The following PHKB variants were observed in gnomAD, a reference collection of about 807,000 sequenced individuals.
PHKB encodes the protein phosphorylase b kinase regulatory subunit beta.
PHKB carries 122 observed loss-of-function variants against 152.1 expected under a neutral mutation model. That is an observed-to-expected ratio of 0.80 (90% CI 0.69 to 0.93). The LOEUF (loss-of-function observed/expected upper bound fraction) is 0.93. Ranked by LOEUF, PHKB falls within the 40% of genes least tolerant of loss-of-function variation. The pLI is 0.00. For missense variants in PHKB, 1,304 were observed against 1,328.4 expected (o/e 0.98, Z 0.29); for synonymous variants, 436 against 464.9 (o/e 0.94, Z 0.80).
intron 1 of PHKB, among the ~76,000 whole-genome samples, chr16:47,477,081 GT>G (rs1197944236): frequency 6.6e-6 from 1 of 152,040 alleles, no homozygotes; most frequent in Non-Finnish European, 1.5e-5. Context: ...TGTAAGCTTG[GT>G]GCACTCCATA....
intron 1 of PHKB, among the ~76,000 whole-genome samples, chr16:47,472,107 A>T (rs1367355535): frequency 6.6e-6 from 1 of 152,148 alleles, no homozygotes; most frequent in Non-Finnish European, 1.5e-5. Flanking sequence ...ATATAGTAAA[A>T]TCTTAGATAC....
At chr16:47,559,398 T>C (rs1035626684) in intron 7 of PHKB, among the ~76,000 whole-genome samples, 3 of 152,166 alleles carry the variant, frequency 2.0e-5, no homozygotes, top group African/African-American at 7.2e-5. Context: ...AACCCAAACT[T>C]AGAGGCATAA....
chr16:47,688,503 G>A (rs1234217014), intron 26 of PHKB, among the ~76,000 whole-genome samples: 1 of 152,116 alleles, frequency 6.6e-6, no homozygotes, highest in Non-Finnish European at 1.5e-5. Flanking sequence ...AACTAATTGT[G>A]TCCTTATATT....
At chr16:47,488,945 T>A (rs1409728913) in intron 1 of PHKB, among the ~76,000 whole-genome samples, 1 of 152,224 alleles carries the variant, frequency 6.6e-6, no homozygotes, top group Non-Finnish European at 1.5e-5. Context: ...TGGTTCCATA[T>A]GAATTAAAAA....
chr16:47,673,129 A>ATTT (rs55724316), intron 26 of PHKB, among the ~76,000 whole-genome samples: 1 of 147,272 alleles, frequency 6.8e-6, no homozygotes, highest in African/African-American at 2.5e-5. Flanking sequence ...GCAATCTGGT[A>ATTT]TTTTTTTTTT....
chr16:47,564,806 T>C lies in PHKB; in HGVS notation c.711-15489T>C, dbSNP rs540451302. Among the ~76,000 whole-genome samples, 5 of 152,322 alleles carry C rather than the reference T, an allele frequency of 3.3e-5. No homozygotes were observed. The East Asian group carries it at 9.6e-4, about 29-fold the overall frequency. On this transcript the variant is annotated intron_variant, in intron 7 of 30. Coordinates refer to ENST00000323584, the MANE Select transcript of PHKB (RefSeq NM_000293.3). Reference sequence around the variant, plus strand: ...AAAGATAGGAATCCATTTTCATTCTTTGCATGTTGTTGTTCAATTTTCCCA... The same window carrying C: ...AAAGATAGGAATCCATTTTCATTCTCTGCATGTTGTTGTTCAATTTTCCCA...
chr16:47,527,509 A>G (rs1021106447), intron 6 of PHKB, among the ~76,000 whole-genome samples: 1 of 152,210 alleles, frequency 6.6e-6, no homozygotes, highest in African/African-American at 2.4e-5. Flanking sequence ...ACTGTAAATA[A>G]GTAGAGATTA....
At chr16:47,519,781 C>G (rs1284055247) in intron 6 of PHKB, among the ~76,000 whole-genome samples, 1 of 152,220 alleles carries the variant, frequency 6.6e-6, no homozygotes, top group East Asian at 1.9e-4. Flanking sequence ...TGATCAGGAG[C>G]CAGCCTGCTA....
chr16:47,679,836 C>A (rs1358096351), intron 26 of PHKB, among the ~76,000 whole-genome samples: 1 of 152,174 alleles, frequency 6.6e-6, no homozygotes, highest in Non-Finnish European at 1.5e-5. Context: ...GAGGGGATCC[C>A]TGTCTTGTGC....
intron 7 of PHKB, among the ~76,000 whole-genome samples, chr16:47,550,280 A>G (rs1045028486): frequency 1.3e-5 from 2 of 152,206 alleles, no homozygotes; most frequent in African/African-American, 2.4e-5. Flanking sequence ...TAGAGCTGCT[A>G]CTAGCCTGGG....
intron 14 of PHKB, among the ~76,000 whole-genome samples, chr16:47,627,066 C>G (rs568448077): frequency 2.4e-4 from 36 of 152,278 alleles, no homozygotes; most frequent in South Asian, 1.9e-3. Context: ...TGCTTGTAAC[C>G]CACCACCTGA....
chr16:47,613,134 A>C (rs947526736), intron 14 of PHKB, among the ~76,000 whole-genome samples: 2 of 152,166 alleles, frequency 1.3e-5, no homozygotes, highest in Non-Finnish European at 2.9e-5. Flanking sequence ...GGATCCCATG[A>C]CTGCCCTCAG....
At chr16:47,633,360 CT>C (rs1048916106) in intron 14 of PHKB, among the ~76,000 whole-genome samples, 5 of 152,078 alleles carry the variant, frequency 3.3e-5, no homozygotes, top group African/African-American at 1.2e-4. Flanking sequence ...ATAACAATTG[CT>C]TTTCTTTTAG....
chr16:47,681,681 G>T (rs1021457346), intron 26 of PHKB, among the ~76,000 whole-genome samples: 1 of 152,070 alleles, frequency 6.6e-6, no homozygotes, highest in African/African-American at 2.4e-5. Flanking sequence ...CGTGAGATGG[G>T]TTTCCTGAAT....
At chr16:47,566,762 A>G in intron 7 of PHKB, 1 of 747,098 alleles carries the variant, frequency 1.3e-6, no homozygotes. Flanking sequence ...CTTCCAGGTC[A>G]TCTGTTTCAT....
intron 6 of PHKB, among the ~76,000 whole-genome samples, chr16:47,516,137 A>G (rs1242332279): frequency 6.6e-6 from 1 of 152,058 alleles, no homozygotes. Flanking sequence ...CATGTTGGCC[A>G]AGGCAGTCTT....
chr16:47,689,474 T>A (rs1974023420), intron 27 of PHKB, among the ~76,000 whole-genome samples: 1 of 152,212 alleles, frequency 6.6e-6, no homozygotes, highest in Non-Finnish European at 1.5e-5. Flanking sequence ...CTGAAGTCAG[T>A]TTCCTTTCTG....
chr16:47,509,110 A>G (rs1261455137), intron 4 of PHKB, among the ~76,000 whole-genome samples: 2 of 152,212 alleles, frequency 1.3e-5, no homozygotes, highest in Non-Finnish European at 2.9e-5. Context: ...TTAGATCTGT[A>G]TCAAGTGGTT....
intron 7 of PHKB, among the ~76,000 whole-genome samples, chr16:47,557,355 A>G (rs1971392911): frequency 6.6e-6 from 1 of 152,216 alleles, no homozygotes; most frequent in African/African-American, 2.4e-5. Context: ...ACCAAAAGCA[A>G]TGGCAACAAA....
Sources: gnomAD v4.1 joint callset for allele counts (sites outside exome capture counted in the v4.1 genomes callset) on GRCh38, gnomAD v4.1.1 for gene constraint, MANE v1.5 for transcripts, NCBI Gene and HGNC (gene_info 2026-07-23, HGNC 2026-07-21) for gene names.